The following KIF5B variants were observed in gnomAD, a reference collection of about 807,000 sequenced individuals.
KIF5B encodes the protein kinesin-1 heavy chain.
A neutral mutation model predicts 132.8 loss-of-function variants in KIF5B; 49 were observed. The ratio of observed to expected loss-of-function variants is 0.37; its 90% confidence interval spans 0.29 to 0.47. KIF5B has a LOEUF of 0.47. KIF5B is among the 20% of genes least tolerant of loss of function. The pLI is 1.00. For synonymous variants in KIF5B, 355 were observed against 369.4 expected (o/e 0.96, Z 0.45); for missense variants, 780 against 1,144.0 (o/e 0.68, Z 4.59).
rs1841759103 is a variant in KIF5B, at chr10:32,056,060, C to A, written c.-87G>T. On this transcript the variant is annotated 5_prime_UTR_variant, in exon 1 of 26. Transcript: ENST00000302418. ...CGCGCCGGACCTGAGGGCTTGTGGT[C>A]GCGAGGGCCGTGAGAGGCAGCAGTC... 3 of 1,515,308 alleles carry A rather than the reference C, an allele frequency of 2.0e-6. No individual in the cohort carries two copies. The South Asian group carries it at 3.5e-5, about 18-fold the overall frequency. The allele number at this position is 1,515,308 out of a possible 1,614,324, so 93.9% of individuals were successfully genotyped here. A position where few individuals can be genotyped will look rare whatever the true frequency, so the allele number is the denominator to read the frequency against.
Position 32,037,358 on chromosome 10 carries a change from T to G in KIF5B, c.607A>C (p.Arg203=). 6.2e-7 allele frequency: 1 copy of G among 1,612,596 alleles called. No homozygotes were observed. Among genetic ancestry groups the G allele is most frequent in the Middle Eastern group, 1.7e-4 (1 of 6,054 alleles). ...AVTNMNEHSS[R]SHSIFLINVK... is the part of the protein sequence containing the mutation. Reference sequence around the variant, plus strand: ...TTAATAAGAAATATACTGTGACTCCTAGAGCTATGTTCATTCATATCTGCA... The same window carrying G: ...TTAATAAGAAATATACTGTGACTCCGAGAGCTATGTTCATTCATATCTGCA... The change falls in exon 8 of 26, where the codon AGG becomes CGG. Residue 203 remains arginine, a synonymous_variant. Coordinates refer to ENST00000302418, the MANE Select transcript of KIF5B (RefSeq NM_004521.3).
intron 2 of KIF5B, among the ~76,000 whole-genome samples, 169 bp from the exon 3 acceptor site, chr10:32,040,626 AACACAC>A (rs72393080): frequency 0.28 from 39,826 of 141,924 alleles, 5,417 homozygotes; most frequent in East Asian, 0.38. Context: ...AACACCCTAA[AACACAC>A]ACACACACAC....
intron 14 of KIF5B, among the ~76,000 whole-genome samples, chr10:32,029,599 A>G (rs751873322): frequency 1.3e-5 from 2 of 152,210 alleles, no homozygotes; most frequent in African/African-American, 2.4e-5. Context: ...TGCTTCTACC[A>G]TAATTGTTTA....
chr10:32,023,585 A>G lies in KIF5B; in HGVS notation c.1726-549T>C, dbSNP rs537867307. Among the ~76,000 whole-genome samples the G allele has an allele frequency of 2.8e-5, 4 of 142,438 alleles. No homozygotes were observed. In the South Asian group the frequency reaches 8.9e-4, roughly 32 times the overall value. 93.4% of individuals were successfully genotyped at this position (142,438 alleles called of 152,430 possible). A position where few individuals can be genotyped will look rare whatever the true frequency, so the allele number is the denominator to read the frequency against. On this transcript the variant is annotated intron_variant, in intron 15 of 25. Coordinates refer to ENST00000302418, the MANE Select transcript of KIF5B (RefSeq NM_004521.3). ...GACCCTGAATAGCTAGCACAACACTAAGGACAAACAAAGTCACAGGACTTG... is the reference window on the plus strand; with the variant it reads ...GACCCTGAATAGCTAGCACAACACTGAGGACAAACAAAGTCACAGGACTTG...
In KIF5B at chr10:32,009,487, C is replaced by A. The variant is rs369680187; in HGVS notation, c.*2050G>T. 6.6e-6 allele frequency: 1 copy of A among 152,136 alleles called. No individual in the cohort carries two copies. Among genetic ancestry groups the A allele is most frequent in the Admixed American group, 6.5e-5 (1 of 15,270 alleles). The allele number at this position is 152,136 out of a possible 1,614,324, so 9.4% of individuals were successfully genotyped here. On this transcript the variant is annotated 3_prime_UTR_variant, in exon 26 of 26. Transcript: ENST00000302418. Reference sequence around the variant, plus strand: ...AAACAAATTTATGAAATTCTTGGTACACTTTATGAAAGTCTGAAATTATAA... The same window carrying A: ...AAACAAATTTATGAAATTCTTGGTAAACTTTATGAAAGTCTGAAATTATAA...
At chr10:32,052,896 T>C (rs572630347) in intron 1 of KIF5B, among the ~76,000 whole-genome samples, 3 of 152,340 alleles carry the variant, frequency 2.0e-5, no homozygotes, top group Admixed American at 2.0e-4. Context: ...GGTGTCATAT[T>C]AAAATCACTG....
chr10:32,033,964 T>C lies in KIF5B; in HGVS notation c.1186A>G (p.Ile396Val). 1 of 1,612,104 alleles carries C rather than the reference T, an allele frequency of 6.2e-7. No individual in the cohort carries two copies. The highest frequency in any genetic ancestry group is 8.5e-7 in the Non-Finnish European group (1 of 1,178,574). The change falls in exon 12 of 26, where the codon ATT (isoleucine) becomes GTT (valine). Residue 396 changes from isoleucine to valine, a missense_variant. This residue lies in a region of KIF5B where 471 missense variants were observed against 569.9 expected (regional missense o/e 0.83). Coordinates refer to ENST00000302418, the MANE Select transcript of KIF5B (RefSeq NM_004521.3). ...NLEAFTVDKD[I>V]TLTNDKPATA... ...GCTGGTTTATCATTGGTAAGAGTAA[T>C]ATCTTTATCCACTGTGAAAGCTTCC...
chr10:32,014,275 C>A (rs540170011), intron 25 of KIF5B, among the ~76,000 whole-genome samples: 84 of 152,220 alleles, frequency 5.5e-4, no homozygotes, highest in African/African-American at 1.9e-3. Flanking sequence ...CCTGTAATCC[C>A]AGCTACTTGG....
At chr10:32,022,533 A>G (rs192660268) in intron 16 of KIF5B, among the ~76,000 whole-genome samples, 2 of 152,274 alleles carry the variant, frequency 1.3e-5, no homozygotes, top group African/African-American at 4.8e-5. Flanking sequence ...TGAAATTCTG[A>G]TAGTGGTGAA....
intron 15 of KIF5B, among the ~76,000 whole-genome samples, chr10:32,027,001 G>A (rs1035071512): frequency 6.6e-6 from 1 of 151,922 alleles, no homozygotes; most frequent in Non-Finnish European, 1.5e-5. Flanking sequence ...TTATTTTGTT[G>A]ATTTTATCTT....
Position 32,040,657 on chromosome 10 carries a change from A to ACACACACC in KIF5B, c.215-201_215-200insGGTGTGTG, listed in dbSNP as rs370537671. Among the ~76,000 whole-genome samples, 763 of 137,684 alleles carry ACACACACC rather than the reference A, an allele frequency of 5.5e-3. 3 individuals carry two copies. The highest frequency in any genetic ancestry group is 0.019 in the Middle Eastern group (5 of 264). 90.3% of individuals were successfully genotyped at this position (137,684 alleles called of 152,430 possible). A position where few individuals can be genotyped will look rare whatever the true frequency, so the allele number is the denominator to read the frequency against. On this transcript the variant is annotated intron_variant, in intron 2 of 25. Transcript: ENST00000302418. ...CACACACACACACACACACACACACACCCTCTTCCTAACCCTTGCATACTA... is the reference window on the plus strand; with the variant it reads ...CACACACACACACACACACACACACACACACACCCCCTCTTCCTAACCCTTGCATACTA...
At chr10:32,052,111 A>G (rs761396435) in intron 1 of KIF5B, among the ~76,000 whole-genome samples, 1 of 152,206 alleles carries the variant, frequency 6.6e-6, no homozygotes, top group African/African-American at 2.4e-5. Context: ...TTCCTGTTTG[A>G]GTATGCACCG....
rs1331350810 is a variant in KIF5B at position 32,027,661 on chromosome 10, G to A, written c.1725+767C>T. Among the ~76,000 whole-genome samples the A allele has an allele frequency of 4.0e-5, 6 of 148,338 alleles. No individual in the cohort carries two copies. The East Asian group carries it at 1.2e-3, about 29-fold the overall frequency. On this transcript the variant is annotated intron_variant, in intron 15 of 25. Coordinates refer to ENST00000302418, the MANE Select transcript of KIF5B (RefSeq NM_004521.3). ...ATAGGGTCTCACTGTTGCTCAGGCTGGAGTGCCATGGCACAAACATGGTTC... is the reference window on the plus strand; with the variant it reads ...ATAGGGTCTCACTGTTGCTCAGGCTAGAGTGCCATGGCACAAACATGGTTC...
chr10:32,021,521 C>A (rs1841261162), intron 17 of KIF5B, among the ~76,000 whole-genome samples: 1 of 142,770 alleles, frequency 7.0e-6, no homozygotes, highest in African/African-American at 2.6e-5. Flanking sequence ...TTTTTTTTGG[C>A]CTAATCCAGA....
At chr10:32,044,393 C>T (rs992824234) in intron 2 of KIF5B, among the ~76,000 whole-genome samples, 1 of 152,020 alleles carries the variant, frequency 6.6e-6, no homozygotes, top group Non-Finnish European at 1.5e-5. Context: ...GGACACATGC[C>T]GGGCGTGGTG....
chr10:32,039,581 A>C, intron 3 of KIF5B, 150 bp from the exon 4 acceptor site: 1 of 553,876 alleles, frequency 1.8e-6, no homozygotes. Context: ...ATCCAATTCA[A>C]CTATTACACA....
intron 14 of KIF5B, among the ~76,000 whole-genome samples, chr10:32,029,439 TATCTTTTAGTAAAGATGCC>T (rs772298413): frequency 2.6e-5 from 4 of 152,328 alleles, no homozygotes; most frequent in Non-Finnish European, 5.9e-5. Context: ...TTTTCATCAG[TATCTTTTAGTAAAGATGCC>T]ATCATTCCAA....
intron 24 of KIF5B, among the ~76,000 whole-genome samples, chr10:32,016,683 G>A (rs1038070701): frequency 6.6e-6 from 1 of 151,992 alleles, no homozygotes; most frequent in African/African-American, 2.4e-5. Context: ...CTGGGTTACA[G>A]GCGTTCACCA....
At chr10:32,020,902 T>G (rs1264218373) in intron 19 of KIF5B, 120 bp downstream of exon 19, 3 of 589,180 alleles carry the variant, frequency 5.1e-6, no homozygotes, top group East Asian at 2.9e-5. Flanking sequence ...ATGAGAAAAT[T>G]CTTTATTTTC....
Sources: gnomAD v4.1 joint callset for allele counts (sites outside exome capture counted in the v4.1 genomes callset) on GRCh38, gnomAD v4.1.1 for gene constraint, gnomAD v4.1.1 regional missense constraint, MANE v1.5 for transcripts, NCBI Gene and HGNC (gene_info 2026-07-23, HGNC 2026-07-21) for gene names.